The following SLC17A7 variants were observed in gnomAD, a reference collection of about 807,000 sequenced individuals.
SLC17A7 encodes the protein solute carrier family 17 member 7.
In SLC17A7, 15 loss-of-function variants were observed where a neutral mutation model predicts 59.1. That is an observed-to-expected ratio of 0.25 (90% CI 0.17 to 0.39). The LOEUF (loss-of-function observed/expected upper bound fraction) is 0.39. Among genes scored for constraint, SLC17A7 ranks in the 10% least tolerant of loss-of-function variants. SLC17A7 has a pLI of 1.00. For missense variants in SLC17A7, 499 were observed against 765.1 expected (o/e 0.65, Z 4.10); for synonymous variants, 353 against 308.9 (o/e 1.14, Z -1.50).
Position 49,431,546 on chromosome 19 carries a change from C to G in SLC17A7, c.1151-98G>C. On this transcript the variant is annotated intron_variant, in intron 9 of 11. Transcript: ENST00000221485. This position sits in a 1 kb window ranked among gnomAD's most constrained non-coding sequence, Gnocchi z 4.6. Reference sequence around the variant, plus strand: ...TTCCAGACCTGCTCCAGCCCCAAACCGCGTCTATCCACCCCAGTCTGGCCA... The same window carrying G: ...TTCCAGACCTGCTCCAGCCCCAAACGGCGTCTATCCACCCCAGTCTGGCCA... The G allele has an allele frequency of 1.0e-6, 1 of 982,156 alleles. No individual in the cohort carries two copies. The highest frequency in any genetic ancestry group is 1.5e-6 in the Non-Finnish European group (1 of 651,054). The allele number at this position is 982,156 out of a possible 1,614,324, so 60.8% of individuals were successfully genotyped here. A position where few individuals can be genotyped will look rare whatever the true frequency, so the allele number is the denominator to read the frequency against.
chr19:49,432,769 C>T (rs1408047402), intron 8 of SLC17A7, 42 bp downstream of exon 8: 2 of 1,588,980 alleles, frequency 1.3e-6, no homozygotes, highest in Non-Finnish European at 1.7e-6. Flanking sequence ...TCCCTCCCGC[C>T]GACCCCTCCG....
chr19:49,439,890 C>T (rs1020623302), intron 1 of SLC17A7, among the ~76,000 whole-genome samples: 10 of 149,088 alleles, frequency 6.7e-5, no homozygotes, highest in Non-Finnish European at 1.3e-4. Flanking sequence ...GAATACATCC[C>T]TCCCGCTGCC....
In SLC17A7 at chr19:49,440,025, TG is replaced by T. The variant is rs1838271339; in HGVS notation, c.62+1292del. On this transcript the variant is annotated intron_variant, in intron 1 of 11. Coordinates refer to ENST00000221485, the MANE Select transcript of SLC17A7 (RefSeq NM_020309.4). ...AAAGGGTGGGGAGGGGCTGGAAAATTGGAAAAAGAAGGGGTGAGGTTATCTC... is the reference window on the plus strand; with the variant it reads ...AAAGGGTGGGGAGGGGCTGGAAAATTGAAAAAGAAGGGGTGAGGTTATCTC... Among the ~76,000 whole-genome samples, 3 of 151,912 alleles carry T rather than the reference TG, an allele frequency of 2.0e-5. No individual in the cohort carries two copies. The South Asian group carries it at 6.2e-4, about 32-fold the overall frequency.
At chr19:49,432,416 C>T (rs2078964048) in intron 9 of SLC17A7, 103 bp downstream of exon 9, 7 of 1,441,356 alleles carry the variant, frequency 4.9e-6, no homozygotes, top group Non-Finnish European at 5.6e-6. Context: ...ACTCCTGGGG[C>T]AGGCTGGATG....
Position 49,441,506 on chromosome 19 carries a change from CG to C in SLC17A7, c.-128del. The stretch of plus-strand genomic sequence containing the variant: ...GCCCGGCCGGCCCCGCAGCTCCGCT[CG>C]GGGGGAAGGAGGCTGCAAGTGCAGG... On this transcript the variant is annotated 5_prime_UTR_variant, in exon 1 of 12. Transcript: ENST00000221485. 4 of 1,056,640 alleles carry C rather than the reference CG, an allele frequency of 3.8e-6. No individual in the cohort carries two copies. The highest frequency in any genetic ancestry group is 4.4e-5 in the South Asian group (1 of 22,472). 65.5% of individuals were successfully genotyped at this position (1,056,640 alleles called of 1,614,324 possible).
Position 49,439,932 on chromosome 19 carries a change from TTCTCTC to T in SLC17A7, c.62+1380_62+1385del, listed in dbSNP as rs906839160. On this transcript the variant is annotated intron_variant, in intron 1 of 11. Coordinates refer to ENST00000221485, the MANE Select transcript of SLC17A7 (RefSeq NM_020309.4). Reference sequence around the variant, plus strand: ...CAGCCCCCTCCACCAGCACGTCTCTTTCTCTCTCTCTCATTCTCCTGACTTCACACT... The same window carrying T: ...CAGCCCCCTCCACCAGCACGTCTCTTTCTCTCATTCTCCTGACTTCACACT... 2.6e-5 allele frequency among the ~76,000 whole-genome samples: 4 copies of T among 151,926 alleles called. No individual in the cohort carries two copies. In the East Asian group the frequency reaches 7.7e-4, roughly 29 times the overall value.
Position 49,430,610 on chromosome 19 carries a change from G to C in SLC17A7, c.1592C>G (p.Pro531Arg), listed in dbSNP as rs770176188. The C allele has an allele frequency of 1.2e-6, 2 of 1,613,518 alleles. No individual in the cohort carries two copies. Among genetic ancestry groups the C allele is most frequent in the South Asian group, 1.1e-5 (1 of 91,042 alleles). Reference protein sequence around the residue: ...DSEMEDEAEPPGAPPAPPPSY... With the variant: ...DSEMEDEAEPRGAPPAPPPSY... ...GGGCGGGGGTGCAGGGGGTGCCCCC[G>C]GGGGCTCAGCCTCATCCTCCATTTC... The change falls in exon 12 of 12, where the codon CCG becomes CGG. Residue 531 changes from proline (P) to arginine (R), a missense_variant. By Grantham distance (103) the Pro-to-Arg change is moderately radical. Coordinates refer to ENST00000221485, the MANE Select transcript of SLC17A7 (RefSeq NM_020309.4).
Position 49,432,919 on chromosome 19 carries a change from T to A in SLC17A7, c.909A>T (p.Pro303=). ...TPWRRFFTSM[P]VYAIIVANFC... is the part of the protein sequence containing the mutation. ...AGTTGGCCACGATGATGGCATAGAC[T>A]GGCATAGACGTGAAGAAGCGCCGCC... The change falls in exon 8 of 12, where the codon CCA becomes CCT. Residue 303 remains proline, a synonymous_variant. Transcript: ENST00000221485. 1 of 1,606,840 alleles carries A rather than the reference T, an allele frequency of 6.2e-7. No individual in the cohort carries two copies. Among genetic ancestry groups the A allele is most frequent in the Non-Finnish European group, 8.5e-7 (1 of 1,176,904 alleles).
chr19:49,441,414 C>G lies in SLC17A7; in HGVS notation c.-35G>C, dbSNP rs566307306. The stretch of plus-strand genomic sequence containing the variant: ...TCCTGCCGCCGGTCACCCCGCGGGT[C>G]CCCCCCGCCGATCCCCCCGCCCGCG... On this transcript the variant is annotated 5_prime_UTR_variant, in exon 1 of 12. Coordinates refer to ENST00000221485, the MANE Select transcript of SLC17A7 (RefSeq NM_020309.4). 4 of 1,444,370 alleles carry G rather than the reference C, an allele frequency of 2.8e-6. No individual in the cohort carries two copies. The highest frequency in any genetic ancestry group is 3.6e-6 in the Non-Finnish European group (4 of 1,097,154). The allele number at this position is 1,444,370 out of a possible 1,614,324, so 89.5% of individuals were successfully genotyped here.
Position 49,441,512 on chromosome 19 carries a change from G to T in SLC17A7, c.-133C>A. 1.9e-6 allele frequency: 2 copies of T among 1,052,570 alleles called. No homozygotes were observed. Among genetic ancestry groups the T allele is most frequent in the Non-Finnish European group, 1.1e-6 (1 of 875,376 alleles). The allele number at this position is 1,052,570 out of a possible 1,614,324, so 65.2% of individuals were successfully genotyped here. On this transcript the variant is annotated 5_prime_UTR_variant, in exon 1 of 12. Coordinates refer to ENST00000221485, the MANE Select transcript of SLC17A7 (RefSeq NM_020309.4). Reference sequence around the variant, plus strand: ...CCGGCCCCGCAGCTCCGCTCGGGGGGAAGGAGGCTGCAAGTGCAGGCGGCC... The same window carrying T: ...CCGGCCCCGCAGCTCCGCTCGGGGGTAAGGAGGCTGCAAGTGCAGGCGGCC...
In SLC17A7 at chr19:49,432,862, G is replaced by T. The variant is rs373295221; in HGVS notation, c.966C>A (p.Leu322=). The T allele has an allele frequency of 5.0e-6, 8 of 1,593,492 alleles. No homozygotes were observed. The highest frequency in any genetic ancestry group is 6.8e-6 in the Non-Finnish European group (8 of 1,169,848). ...CTTCGAAGTAGGCGGGCTGGGAGAT[G>T]AGCAGCAGGTAGAACGTCCAGCTGC... ...FCRSWTFYLL[L]ISQPAYFEEV... Residue 322 remains leucine, a synonymous_variant, in exon 8 of 12, where the codon CTC becomes CTA. Transcript: ENST00000221485.
chr19:49,436,218 G>A lies in SLC17A7; in HGVS notation c.315+331C>T. 2.6e-6 allele frequency: 1 copy of A among 384,070 alleles called. No homozygotes were observed. Among genetic ancestry groups the A allele is most frequent in the African/African-American group, 2.0e-5 (1 of 49,878 alleles). 23.8% of individuals were successfully genotyped at this position (384,070 alleles called of 1,614,324 possible). On this transcript the variant is annotated intron_variant, in intron 2 of 11. Transcript: ENST00000221485. The surrounding 1 kb of genome is among the most constrained non-coding windows in gnomAD (Gnocchi z 4.1). ...TGTGACCCGGGGACATGAGCTTGGG[G>A]TACAGGCGTGAGCAAAATTGCTAGT...
chr19:49,429,900 G>A lies in SLC17A7; in HGVS notation c.*619C>T, dbSNP rs973323874. The A allele has an allele frequency of 4.0e-6, 1 of 248,476 alleles. No homozygotes were observed. Among genetic ancestry groups the A allele is most frequent in the African/African-American group, 2.2e-5 (1 of 45,388 alleles). 15.4% of individuals were successfully genotyped at this position (248,476 alleles called of 1,614,324 possible). Reference sequence around the variant, plus strand: ...GCTAAGCTAGGGAGAAGAGGGTCTTGAGAAATTTGGTGCTTTCGCAGAATC... The same window carrying A: ...GCTAAGCTAGGGAGAAGAGGGTCTTAAGAAATTTGGTGCTTTCGCAGAATC... On this transcript the variant is annotated 3_prime_UTR_variant, in exon 12 of 12. Coordinates refer to ENST00000221485, the MANE Select transcript of SLC17A7 (RefSeq NM_020309.4).
chr19:49,435,481 G>T (rs185244653), intron 2 of SLC17A7, 195 bp from the exon 3 acceptor site: 2 of 543,364 alleles, frequency 3.7e-6, no homozygotes, highest in Admixed American at 3.2e-5. Context: ...ACGTTGCTAG[G>T]GCCTATGCTG....
rs988371684 is a variant in SLC17A7 at position 49,433,036 on chromosome 19, G to T, written c.868-76C>A. ...TCTCCGCGTCCCTTCAGGGACCACAGTGTAGTTCTGCAGAAACCAAAGGAT... is the reference window on the plus strand; with the variant it reads ...TCTCCGCGTCCCTTCAGGGACCACATTGTAGTTCTGCAGAAACCAAAGGAT... On this transcript the variant is annotated intron_variant, in intron 7 of 11. Coordinates refer to ENST00000221485, the MANE Select transcript of SLC17A7 (RefSeq NM_020309.4). This position sits in a 1 kb window ranked among gnomAD's most constrained non-coding sequence, Gnocchi z 5.7. 7.7e-6 allele frequency: 11 copies of T among 1,435,864 alleles called. No homozygotes were observed. The South Asian group carries it at 1.4e-4, about 18-fold the overall frequency. The allele number at this position is 1,435,864 out of a possible 1,614,324, so 88.9% of individuals were successfully genotyped here. A position where few individuals can be genotyped will look rare whatever the true frequency, so the allele number is the denominator to read the frequency against.
chr19:49,436,245 G>A lies in SLC17A7; in HGVS notation c.315+304C>T. ...ACAGGCGTGAGCAAAATTGCTAGTAGGTCCAAAATGGGGCAGGGGCAACCC... is the reference window on the plus strand; with the variant it reads ...ACAGGCGTGAGCAAAATTGCTAGTAAGTCCAAAATGGGGCAGGGGCAACCC... On this transcript the variant is annotated intron_variant, in intron 2 of 11. Transcript: ENST00000221485. This position sits in a 1 kb window ranked among gnomAD's most constrained non-coding sequence, Gnocchi z 4.1. The A allele has an allele frequency of 4.5e-6, 2 of 440,212 alleles. No homozygotes were observed. The highest frequency in any genetic ancestry group is 8.3e-6 in the Non-Finnish European group (2 of 241,344). The allele number at this position is 440,212 out of a possible 1,614,324, so 27.3% of individuals were successfully genotyped here.
intron 11 of SLC17A7, 32 bp from the exon 12 acceptor site, chr19:49,430,844 G>A (rs2078956519): frequency 1.3e-6 from 2 of 1,580,332 alleles, no homozygotes; most frequent in South Asian, 1.2e-5. Flanking sequence ...AGGTCAAATG[G>A]GAGGACAGAG....
rs2078950109 is a variant in SLC17A7, at chr19:49,429,586, AG to A, written c.*932del. 5.0e-6 allele frequency: 2 copies of A among 398,906 alleles called. No homozygotes were observed. The highest frequency in any genetic ancestry group is 8.8e-6 in the Non-Finnish European group (2 of 226,094). 24.7% of individuals were successfully genotyped at this position (398,906 alleles called of 1,614,324 possible). A position where few individuals can be genotyped will look rare whatever the true frequency, so the allele number is the denominator to read the frequency against. ...TTCTAAGCTGAAAGAGGGGTGTCTG[AG>A]AGGGGAAGGATCCCAGATTTTGAGT... On this transcript the variant is annotated 3_prime_UTR_variant, in exon 12 of 12. Transcript: ENST00000221485.
Position 49,436,874 on chromosome 19 carries a change from G to C in SLC17A7, c.63-73C>G, listed in dbSNP as rs3826718. ...CCCTCACCCCCAAGACCAGGATCCA[G>C]GGCAAAACCTGCTTTTCAACATCCA... is the stretch of plus-strand genomic sequence containing the variant. On this transcript the variant is annotated intron_variant, in intron 1 of 11. Transcript: ENST00000221485. The surrounding 1 kb of genome is among the most constrained non-coding windows in gnomAD (Gnocchi z 4.1). The C allele has an allele frequency of 0.73, 1,119,508 of 1,533,744 alleles. 415,908 individuals are homozygous for C. The highest frequency in any genetic ancestry group is 0.8 in the Middle Eastern group (4,408 of 5,498).
Sources: gnomAD v4.1 joint callset for allele counts (sites outside exome capture counted in the v4.1 genomes callset) on GRCh38, gnomAD v4.1.1 for gene constraint, Gnocchi (gnomAD v3.1) non-coding constraint, MANE v1.5 for transcripts, NCBI Gene and HGNC (gene_info 2026-07-23, HGNC 2026-07-21) for gene names.